Variants in CD53 observed in about 807,000 individuals in gnomAD.
The protein encoded by CD53 is leukocyte surface antigen CD53.
A neutral mutation model predicts 27.3 loss-of-function variants in CD53; 20 were observed. The observed-to-expected ratio is 0.73, with a 90% CI of 0.52 to 1.07. The LOEUF (loss-of-function observed/expected upper bound fraction) is 1.07. Among genes scored for constraint, CD53 ranks in the 50% least tolerant of loss-of-function variants. CD53 has a pLI of 0.00. For synonymous variants in CD53, 106 were observed against 105.3 expected (o/e 1.01, Z -0.04); for missense variants, 216 against 264.0 (o/e 0.82, Z 1.26).
intron 1 of CD53, among the ~76,000 whole-genome samples, chr1:110,880,621 A>G (rs1367434939): frequency 1.3e-5 from 2 of 152,102 alleles, no homozygotes; most frequent in Non-Finnish European, 2.9e-5. Context: ...TATGTCCAAA[A>G]CATCAGTTTA....
chr1:110,898,056 C>T (rs1557822285), intron 7 of CD53, among the ~76,000 whole-genome samples, 164 bp downstream of exon 7: 1 of 152,118 alleles, frequency 6.6e-6, no homozygotes, highest in Non-Finnish European at 1.5e-5. Flanking sequence ...TAACAATTTG[C>T]TTTAAGGTAT....
intron 2 of CD53, among the ~76,000 whole-genome samples, chr1:110,892,057 A>G (rs547943020): frequency 6.6e-6 from 1 of 152,346 alleles, no homozygotes; most frequent in African/African-American, 2.4e-5. Context: ...AAGATAAGGA[A>G]AAAGAAGTTA....
intron 1 of CD53, among the ~76,000 whole-genome samples, chr1:110,883,969 G>C (rs1051191527): frequency 6.6e-6 from 1 of 151,874 alleles, no homozygotes; most frequent in Admixed American, 6.5e-5. Context: ...TCTTCTAAAA[G>C]AGCCAACTTT....
intron 1 of CD53, among the ~76,000 whole-genome samples, chr1:110,879,532 A>C (rs866296674): frequency 2.0e-5 from 3 of 152,164 alleles, no homozygotes; most frequent in African/African-American, 7.2e-5. Context: ...CACAGTGCAC[A>C]TTAGCATATA....
Position 110,879,314 on chromosome 1 carries a change from T to C in CD53, c.-18+6066T>C, listed in dbSNP as rs148178204. Among the ~76,000 whole-genome samples the C allele has an allele frequency of 7.3e-3, 1,119 of 152,302 alleles. 7 individuals carry two copies. Among genetic ancestry groups the C allele is most frequent in the Middle Eastern group, 0.037 (11 of 294 alleles). On this transcript the variant is annotated intron_variant, in intron 1 of 7. Transcript: ENST00000271324. ...TATTAATAACCCTATTTCAAAGATA[T>C]AGTGAAAGACAGGTTAAGCAAGTTG...
intron 1 of CD53, among the ~76,000 whole-genome samples, chr1:110,885,076 T>C (rs1476316937): frequency 6.6e-6 from 1 of 152,166 alleles, no homozygotes; most frequent in African/African-American, 2.4e-5. Context: ...TAATCGAGTA[T>C]TTTTTAAGAT....
At chr1:110,889,856 G>A (rs1269310109) in intron 1 of CD53, among the ~76,000 whole-genome samples, 2 of 152,108 alleles carry the variant, frequency 1.3e-5, no homozygotes, top group Non-Finnish European at 2.9e-5. Context: ...ATATTCAAAT[G>A]CATTTATAAT....
At chr1:110,875,597 G>C (rs1656098473) in intron 1 of CD53, among the ~76,000 whole-genome samples, 1 of 152,154 alleles carries the variant, frequency 6.6e-6, no homozygotes, top group Non-Finnish European at 1.5e-5. Flanking sequence ...CTTGTACCAA[G>C]CAAGCATCCA....
At chr1:110,889,820 A>G (rs1656782323) in intron 1 of CD53, among the ~76,000 whole-genome samples, 1 of 152,194 alleles carries the variant, frequency 6.6e-6, no homozygotes, top group African/African-American at 2.4e-5. Flanking sequence ...CCTGGGTAGT[A>G]AATCATTACA....
At chr1:110,882,399 A>G (rs1379239273) in intron 1 of CD53, among the ~76,000 whole-genome samples, 1 of 152,004 alleles carries the variant, frequency 6.6e-6, no homozygotes, top group Non-Finnish European at 1.5e-5. Flanking sequence ...TCAGTTGTCC[A>G]TATGCATATG....
At chr1:110,876,298 A>G (rs560154571) in intron 1 of CD53, among the ~76,000 whole-genome samples, 1 of 152,288 alleles carries the variant, frequency 6.6e-6, no homozygotes, top group East Asian at 1.9e-4. Context: ...ACATTATACT[A>G]TAGTCCCTTT....
chr1:110,872,625 T>C (rs1027441055), upstream of CD53, among the ~76,000 whole-genome samples: 1 of 152,182 alleles, frequency 6.6e-6, no homozygotes, highest in African/African-American at 2.4e-5. Context: ...CAGAGAAGTC[T>C]GCAAATGGTG....
At chr1:110,886,869 A>ATATATATATTTTT (rs1298376721) in intron 1 of CD53, among the ~76,000 whole-genome samples, 98 of 82,752 alleles carry the variant, frequency 1.2e-3, no homozygotes, top group African/African-American at 2.4e-3. Context: ...ATATATATAT[A>ATATATATATTTTT]TTTTTTTTTT....
chr1:110,891,347 CCTTACAGAGTGAGGTAA>C lies in CD53; in HGVS notation c.-17-39_-17-23del, dbSNP rs543610888. On this transcript the variant is annotated intron_variant, in intron 1 of 7. Coordinates refer to ENST00000271324, the MANE Select transcript of CD53 (RefSeq NM_000560.4). ...ATTTGTGCACTCTGATCTCTGGCTA[CCTTACAGAGTGAGGTAA>C]CTTACTTTCTTCTTCCTTATTCCTT... 3,924 of 1,296,132 alleles carry C rather than the reference CCTTACAGAGTGAGGTAA, an allele frequency of 3.0e-3. 15 individuals are homozygous for C. Among genetic ancestry groups the C allele is most frequent in the Non-Finnish European group, 3.0e-3 (2,691 of 890,588 alleles). 80.3% of individuals were successfully genotyped at this position (1,296,132 alleles called of 1,614,324 possible).
chr1:110,885,561 CA>C (rs989399358), intron 1 of CD53, among the ~76,000 whole-genome samples: 2 of 146,604 alleles, frequency 1.4e-5, no homozygotes, highest in Admixed American at 6.8e-5. Context: ...CAAACAACAA[CA>C]ACAAAAAAAG....
chr1:110,894,423 TTATTGTCTTAATACTGAAAG>T (rs1656977683), intron 4 of CD53, 22 bp downstream of exon 4: 2 of 1,573,686 alleles, frequency 1.3e-6, no homozygotes, highest in African/African-American at 2.7e-5. Flanking sequence ...AGACAACAAC[TTATTGTCTTAATACTGAAAG>T]TGGGGAGTAT....
chr1:110,894,936 C>T (rs752386638), intron 4 of CD53, 24 bp from the exon 5 acceptor site: 4 of 1,578,238 alleles, frequency 2.5e-6, no homozygotes, highest in Admixed American at 1.7e-5. Flanking sequence ...ACCATGTCTC[C>T]TCTGCTGGAA....
chr1:110,875,079 A>T (rs1056624065), intron 1 of CD53, among the ~76,000 whole-genome samples: 5 of 152,222 alleles, frequency 3.3e-5, no homozygotes, highest in African/African-American at 1.2e-4. Flanking sequence ...GAGTGTGCCA[A>T]AAACTGCCTA....
chr1:110,892,909 G>A (rs1482898709), intron 3 of CD53: 1 of 178,746 alleles, frequency 5.6e-6, no homozygotes, highest in African/African-American at 2.4e-5. Flanking sequence ...CTGACTGAGA[G>A]TCGCTAACTA....
Sources: gnomAD v4.1 joint callset for allele counts (sites outside exome capture counted in the v4.1 genomes callset) on GRCh38, gnomAD v4.1.1 for gene constraint, MANE v1.5 for transcripts, NCBI Gene and HGNC (gene_info 2026-07-23, HGNC 2026-07-21) for gene names.